The following CFAP43 variants were observed in gnomAD, a reference collection of about 807,000 sequenced individuals.
The protein encoded by CFAP43 is cilia and flagella associated protein 43, also known as cilia- and flagella-associated protein 43.
In CFAP43, 155 loss-of-function variants were observed where a neutral mutation model predicts 218.9. That is an observed-to-expected ratio of 0.71 (90% confidence interval 0.62 to 0.81). The LOEUF (loss-of-function observed/expected upper bound fraction) is 0.81, where lower values mean the gene tolerates loss of function less well. CFAP43 is among the 30% of genes least tolerant of loss of function. The pLI, the probability that CFAP43 is intolerant of heterozygous loss-of-function variation, is 0.00. For synonymous variants in CFAP43, 645 were observed against 681.3 expected (o/e 0.95, Z 0.83); for missense variants, 1,778 against 1,954.3 (o/e 0.91, Z 1.70).
chr10:104,204,225 A>G (rs2090615808), intron 7 of CFAP43, among the ~76,000 whole-genome samples: 1 of 152,134 alleles, frequency 6.6e-6, no homozygotes, highest in Admixed American at 6.5e-5. Flanking sequence ...ATCTCCCTAA[A>G]TGACCCAAGG....
chr10:104,159,583 C>T (rs1264935042), intron 27 of CFAP43, among the ~76,000 whole-genome samples: 1 of 152,056 alleles, frequency 6.6e-6, no homozygotes, highest in African/African-American at 2.4e-5. Context: ...GCCATTTCAC[C>T]CATAAGAAGC....
intron 11 of CFAP43, chr10:104,193,358 T>A (rs1444625534): frequency 6.6e-6 from 1 of 152,556 alleles, no homozygotes; most frequent in East Asian, 1.9e-4. Context: ...TTGTACATAG[T>A]TTTCTCCTTT....
chr10:104,189,831 T>C (rs1358452749), intron 12 of CFAP43, among the ~76,000 whole-genome samples: 1 of 151,556 alleles, frequency 6.6e-6, no homozygotes, highest in Non-Finnish European at 1.5e-5. Context: ...AGAGAGACAT[T>C]TTCTCTACTA....
At chr10:104,156,512 G>T (rs146436271) in intron 27 of CFAP43, among the ~76,000 whole-genome samples, 2 of 152,222 alleles carry the variant, frequency 1.3e-5, no homozygotes, top group South Asian at 4.2e-4. Flanking sequence ...GCCCCAAAGA[G>T]ACTACATCAA....
intron 2 of CFAP43, among the ~76,000 whole-genome samples, chr10:104,230,326 G>A (rs543278553): frequency 9.2e-5 from 14 of 152,006 alleles, no homozygotes; most frequent in African/African-American, 2.2e-4. Context: ...TTAGCTGGGC[G>A]TGGTGGTGCG....
At chr10:104,221,494 T>C (rs1427381930) in intron 3 of CFAP43, among the ~76,000 whole-genome samples, 1 of 152,154 alleles carries the variant, frequency 6.6e-6, no homozygotes, top group Admixed American at 6.5e-5. Flanking sequence ...TGTGAGGACA[T>C]GGTGGAAATT....
intron 31 of CFAP43, among the ~76,000 whole-genome samples, chr10:104,144,156 C>T (rs1485155041): frequency 3.3e-5 from 5 of 152,224 alleles, no homozygotes; most frequent in Non-Finnish European, 7.3e-5. Flanking sequence ...TTATCATCCC[C>T]ATTCTCTAGA....
At chr10:104,191,726 G>C (rs531157308) in intron 12 of CFAP43, among the ~76,000 whole-genome samples, 32 of 150,248 alleles carry the variant, frequency 2.1e-4, no homozygotes, top group Admixed American at 4.0e-4. Context: ...GTGGGACTTG[G>C]CAAAGTGTGA....
At position 104,130,249 on chromosome 10, in the gene CFAP43, G is replaced by C. The variant is rs1199692276; in HGVS notation, c.4888C>G (p.Gln1630Glu). 1 of 1,613,038 alleles carries C rather than the reference G, an allele frequency of 6.2e-7. No individual in the cohort carries two copies. Among genetic ancestry groups the C allele is most frequent in the Admixed American group, 1.7e-5 (1 of 59,828 alleles). The change falls in exon 38 of 38, where the codon CAG (glutamine) becomes GAG (glutamate). Residue 1630 changes from glutamine (Q) to glutamate (E), a missense_variant. Physicochemically the swap from Gln to Glu is conservative, Grantham distance 29. Transcript: ENST00000357060. ...TTTGAAATATTTGTTAACTTCTGCT[G>C]TTGCATCATGTTTTCATACCGTTCT... The part of the protein sequence containing the change: ...VKERYENMMQ[Q>E]QKLTNISKQQ...
intron 28 of CFAP43, 70 bp from the exon 29 acceptor site, chr10:104,148,068 G>A: frequency 4.2e-6 from 4 of 963,594 alleles, no homozygotes; most frequent in South Asian, 2.5e-5. Flanking sequence ...TATAGACTTG[G>A]CACTAATCAA....
chr10:104,138,851 A>T (rs2087570859), intron 34 of CFAP43, among the ~76,000 whole-genome samples: 1 of 152,192 alleles, frequency 6.6e-6, no homozygotes, highest in African/African-American at 2.4e-5. Flanking sequence ...TACCATACTG[A>T]TGGAAAATAA....
intron 34 of CFAP43, among the ~76,000 whole-genome samples, chr10:104,138,474 G>A (rs1589616986): frequency 6.8e-6 from 1 of 146,750 alleles, no homozygotes; most frequent in Non-Finnish European, 1.5e-5. Flanking sequence ...TTGGTAGTTC[G>A]AGACCAGCCT....
chr10:104,154,326 G>C (rs956951756), intron 27 of CFAP43, among the ~76,000 whole-genome samples: 1 of 152,144 alleles, frequency 6.6e-6, no homozygotes, highest in Non-Finnish European at 1.5e-5. Flanking sequence ...AATAAGGAAA[G>C]AGACTGATTC....
chr10:104,200,670 CAAAAAAAA>C (rs71022722), intron 8 of CFAP43, among the ~76,000 whole-genome samples: 1 of 22,654 alleles, frequency 4.4e-5, no homozygotes, highest in African/African-American at 1.5e-4. Flanking sequence ...GACTCTGTCT[CAAAAAAAA>C]AAAAAAAAAA....
intron 4 of CFAP43, among the ~76,000 whole-genome samples, chr10:104,212,911 T>G (rs1444842017): frequency 6.6e-6 from 1 of 152,230 alleles, no homozygotes; most frequent in Non-Finnish European, 1.5e-5. Context: ...GTTTGAATCC[T>G]GCTTGCTTTG....
At chr10:104,211,370 A>C (rs1000561703) in intron 5 of CFAP43, among the ~76,000 whole-genome samples, 1 of 152,228 alleles carries the variant, frequency 6.6e-6, no homozygotes, top group African/African-American at 2.4e-5. Context: ...TGCTTAAAAC[A>C]GTGTCTGCTC....
At chr10:104,192,054 G>A (rs189456755) in intron 12 of CFAP43, 145 bp downstream of exon 12, 76 of 614,140 alleles carry the variant, frequency 1.2e-4, no homozygotes, top group African/African-American at 1.2e-3. Flanking sequence ...ATTCTCCTAA[G>A]TAACTTTAGT....
chr10:104,157,109 C>T (rs1407159169), intron 27 of CFAP43, among the ~76,000 whole-genome samples: 1 of 152,200 alleles, frequency 6.6e-6, no homozygotes, highest in Admixed American at 6.5e-5. Flanking sequence ...CTGAACTGCA[C>T]ATTTTTGTTG....
Position 104,143,607 on chromosome 10 carries a change from G to A in CFAP43, c.3977C>T (p.Thr1326Ile), listed in dbSNP as rs773865217. Residue 1326 changes from threonine (T) to isoleucine (I), a missense_variant, in exon 32 of 38, where the codon ACC becomes ATC. Thr to Ile is a moderately conservative substitution (Grantham distance 89). Transcript: ENST00000357060. ...ISKQKTHSET[T>I]SVVPFGELPG... ...TAGTTCTCCGAAAGGGACAACGCTG[G>A]TTGTTTCTGAGTGCGTTTTCTGTTT... The A allele has an allele frequency of 1.2e-6, 2 of 1,614,152 alleles. No homozygotes were observed. Among genetic ancestry groups the A allele is most frequent in the African/African-American group, 2.7e-5 (2 of 75,026 alleles).
Sources: allele counts gnomAD v4.1 joint callset (sites outside exome capture counted in the v4.1 genomes callset), GRCh38; gene constraint gnomAD v4.1.1; transcripts MANE v1.5; gene names NCBI Gene and HGNC (gene_info 2026-07-23, HGNC 2026-07-21).